PRRC2C: variants seen among roughly 807,000 people sequenced by gnomAD.
PRRC2C encodes the protein protein PRRC2C.
A neutral mutation model predicts 317.2 loss-of-function variants in PRRC2C; 72 were observed. That is an observed-to-expected ratio of 0.23 (90% confidence interval 0.19 to 0.28). The LOEUF is 0.28. Among genes scored for constraint, PRRC2C ranks in the 10% least tolerant of loss-of-function variants. The pLI is 1.00. For missense variants in PRRC2C, 3,074 were observed against 3,459.7 expected, an observed-to-expected ratio of 0.89 and a Z score of 2.80; for synonymous variants, 1,296 against 1,205.9, an observed-to-expected ratio of 1.07 and a Z score of -1.55.
At position 171,540,514 on chromosome 1, in the gene PRRC2C, T is replaced by C; in HGVS notation, c.3048T>C (p.Gly1016=). Residue 1016 remains glycine, a synonymous_variant, in exon 16 of 35, where the codon GGT becomes GGC. Coordinates refer to ENST00000647382, the MANE Select transcript of PRRC2C (RefSeq NM_001387844.1). ...EVNDRPVRRS[G]PIKKPVLRDM... ...ATGATAGACCTGTGAGAAGATCAGG[T>C]CCCATTAAAAAACCTGTACTTAGAG... 1.2e-6 allele frequency: 2 copies of C among 1,612,766 alleles called. No individual in the cohort carries two copies. Among genetic ancestry groups the C allele is most frequent in the Non-Finnish European group, 8.5e-7 (1 of 1,179,640 alleles).
rs144242231 is a variant in PRRC2C at position 171,536,217 on chromosome 1, C to T, written c.2232C>T (p.Ser744=). 5 of 1,613,554 alleles carry T rather than the reference C, an allele frequency of 3.1e-6. No homozygotes were observed. Among genetic ancestry groups the T allele is most frequent in the African/African-American group, 1.3e-5 (1 of 74,918 alleles). The part of the protein sequence containing the change: ...GFDPRWLMMQ[S]YMDPRMMSGR... Reference sequence around the variant, plus strand: ...ATCCAAGGTGGCTCATGATGCAGTCCTACATGGATCCTCGAATGATGTCAG... The same window carrying T: ...ATCCAAGGTGGCTCATGATGCAGTCTTACATGGATCCTCGAATGATGTCAG... The change falls in exon 14 of 35, where the codon TCC becomes TCT. Residue 744 remains serine (S), a synonymous_variant. Coordinates refer to ENST00000647382, the MANE Select transcript of PRRC2C (RefSeq NM_001387844.1).
intron 13 of PRRC2C, 42 bp from the exon 14 acceptor site, chr1:171,535,987 T>G: frequency 1.9e-6 from 3 of 1,547,844 alleles, no homozygotes; most frequent in Non-Finnish European, 2.6e-6. Flanking sequence ...TAATTTGTCA[T>G]GTGGAACTAA....
At chr1:171,587,280 T>C in intron 31 of PRRC2C, 59 bp downstream of exon 31, 2 of 1,435,832 alleles carry the variant, frequency 1.4e-6, no homozygotes, top group Non-Finnish European at 9.4e-7. Flanking sequence ...TGTTCAGATA[T>C]ATGCATCTGT....
At chr1:171,591,028 A>C (rs1270068944) in intron 34 of PRRC2C, 1 of 256,494 alleles carries the variant, frequency 3.9e-6, no homozygotes, top group East Asian at 1.8e-4. Flanking sequence ...ACGTAAGTAT[A>C]TTTTTGGGGG....
intron 1 of PRRC2C, among the ~76,000 whole-genome samples, chr1:171,488,269 C>CT (rs1197521197): frequency 2.6e-5 from 4 of 152,170 alleles, no homozygotes; most frequent in Non-Finnish European, 5.9e-5. Context: ...AAAATTGTGT[C>CT]TGAGTTATGA....
intron 1 of PRRC2C, among the ~76,000 whole-genome samples, chr1:171,499,661 G>A (rs183461607): frequency 2.0e-4 from 30 of 152,162 alleles, no homozygotes; most frequent in Admixed American, 1.8e-3. Flanking sequence ...AAAATTAGCC[G>A]GGCATGGTGG....
chr1:171,526,351 C>T (rs1012275268), intron 10 of PRRC2C, among the ~76,000 whole-genome samples: 1 of 152,038 alleles, frequency 6.6e-6, no homozygotes, highest in Non-Finnish European at 1.5e-5. Flanking sequence ...CTTTTTTTCC[C>T]TCTTGAGACA....
intron 26 of PRRC2C, among the ~76,000 whole-genome samples, chr1:171,578,782 C>A (rs960144816): frequency 8.5e-5 from 13 of 152,094 alleles, no homozygotes; most frequent in Non-Finnish European, 1.6e-4. Flanking sequence ...ATCGCTTGAA[C>A]CCGGGAGGTG....
chr1:171,534,343 A>G (rs1676419009), intron 12 of PRRC2C, among the ~76,000 whole-genome samples: 1 of 152,208 alleles, frequency 6.6e-6, no homozygotes, highest in Admixed American at 6.5e-5. Flanking sequence ...TCACAAGAGA[A>G]AGGAAAACAT....
chr1:171,582,606 T>C (rs1648895314), intron 28 of PRRC2C, among the ~76,000 whole-genome samples: 1 of 152,172 alleles, frequency 6.6e-6, no homozygotes, highest in Non-Finnish European at 1.5e-5. Context: ...TACTTAATAC[T>C]GTAGGCAGTT....
intron 16 of PRRC2C, 99 bp from the exon 17 acceptor site, chr1:171,545,380 T>A: frequency 1.0e-6 from 1 of 960,254 alleles, no homozygotes; most frequent in South Asian, 1.8e-5. Context: ...ATCCCAACAG[T>A]GTTTCATCTT....
In PRRC2C at chr1:171,527,771, T is replaced by C; in HGVS notation, c.1201-20T>C. On this transcript the variant is annotated intron_variant, in intron 10 of 34. Transcript: ENST00000647382. ...ACTGTCTCCAAAATAATAAGAATAA[T>C]TCTTTCTTCTTTATAATAGGAACGT... The C allele has an allele frequency of 2.6e-6, 4 of 1,547,156 alleles. No individual in the cohort carries two copies. The highest frequency in any genetic ancestry group is 3.5e-6 in the Non-Finnish European group (4 of 1,139,936).
At position 171,593,236 on chromosome 1, in the gene PRRC2C, C is replaced by T. The variant is rs1558072615; in HGVS notation, c.*1389C>T. On this transcript the variant is annotated 3_prime_UTR_variant, in exon 35 of 35. Transcript: ENST00000647382. ...GCTGCTATTGATGCATAACATACTGCTATTGGTCTTTTTATATAAATATAT... is the reference window on the plus strand; with the variant it reads ...GCTGCTATTGATGCATAACATACTGTTATTGGTCTTTTTATATAAATATAT... 1 of 147,532 alleles carries T rather than the reference C, an allele frequency of 6.8e-6. No homozygotes were observed. The highest frequency in any genetic ancestry group is 1.5e-5 in the Non-Finnish European group (1 of 67,162). 9.1% of individuals were successfully genotyped at this position (147,532 alleles called of 1,614,324 possible).
rs765403714 is a variant in PRRC2C at position 171,541,792 on chromosome 1, A to G, written c.4326A>G (p.Leu1442=). ...RQDKPPRFRR[L]REREAASKSN... ...ACAAGCCACCTCGATTTAGACGGCT[A>G]AGAGAGAGGGAGGCTGCTTCAAAAT... Residue 1442 remains leucine (L), a synonymous_variant, in exon 16 of 35, where the codon CTA becomes CTG. Coordinates refer to ENST00000647382, the MANE Select transcript of PRRC2C (RefSeq NM_001387844.1). The surrounding 1 kb of genome is among the most constrained non-coding windows in gnomAD (Gnocchi z 4.1). 10 of 1,613,982 alleles carry G rather than the reference A, an allele frequency of 6.2e-6. No homozygotes were observed. In the East Asian group the frequency reaches 2.0e-4, roughly 32 times the overall value.
chr1:171,519,032 C>T (rs1032434094), intron 6 of PRRC2C, among the ~76,000 whole-genome samples: 3 of 151,608 alleles, frequency 2.0e-5, no homozygotes, highest in South Asian at 4.2e-4. Context: ...TATAGCTGCC[C>T]GCCACCATAC....
rs1291543616 is a variant in PRRC2C at position 171,577,491 on chromosome 1, C to T, written c.7013C>T (p.Pro2338Leu). The change falls in exon 26 of 35, where the codon CCT (proline) becomes CTT (leucine). Residue 2338 changes from proline to leucine, a missense_variant. By Grantham distance (98) the Pro-to-Leu change is moderately conservative (BLOSUM62 -3). Coordinates refer to ENST00000647382, the MANE Select transcript of PRRC2C (RefSeq NM_001387844.1). ...LSTKSTTTSD[P>L]PNICKVKPQQ... ...ACAAAATCTACAACCACATCGGACC[C>T]TCCAAATATTTGTAAAGTGAAACCT... 3 of 1,613,184 alleles carry T rather than the reference C, an allele frequency of 1.9e-6. No homozygotes were observed. Among genetic ancestry groups the T allele is most frequent in the Non-Finnish European group, 8.5e-7 (1 of 1,179,260 alleles).
chr1:171,518,190 C>A (rs922249694), intron 6 of PRRC2C, among the ~76,000 whole-genome samples: 5 of 152,152 alleles, frequency 3.3e-5, no homozygotes, highest in African/African-American at 9.7e-5. Flanking sequence ...AATTATTAGA[C>A]CCATAGATAA....
At chr1:171,560,982 A>G (rs1288390862) in intron 19 of PRRC2C, 36 bp from the exon 20 acceptor site, 3 of 1,499,376 alleles carry the variant, frequency 2.0e-6, no homozygotes, top group Non-Finnish European at 2.8e-6. Flanking sequence ...TAGACTCTAA[A>G]TCTTAATCAT....
intron 20 of PRRC2C, 108 bp from the exon 21 acceptor site, chr1:171,566,125 T>C: frequency 2.4e-6 from 2 of 833,150 alleles, no homozygotes; most frequent in Non-Finnish European, 3.6e-6. Flanking sequence ...TCAGTTAATA[T>C]GTAGATTGTC....
Sources: gnomAD v4.1 joint callset for allele counts (sites outside exome capture counted in the v4.1 genomes callset) on GRCh38, gnomAD v4.1.1 for gene constraint, Gnocchi (gnomAD v3.1) non-coding constraint, MANE v1.5 for transcripts, NCBI Gene and HGNC (gene_info 2026-07-23, HGNC 2026-07-21) for gene names.